DNAH12: variants seen among roughly 807,000 people sequenced by gnomAD.
DNAH12 encodes dynein axonemal heavy chain 12.
In DNAH12, 285 loss-of-function variants were observed where a neutral mutation model predicts 371.5. That is an observed-to-expected ratio of 0.77 (90% confidence interval 0.70 to 0.85). The LOEUF is 0.85. Among genes scored for constraint, DNAH12 ranks in the 40% least tolerant of loss-of-function variants. DNAH12 has a pLI of 0.00. For synonymous variants in DNAH12, 1,200 were observed against 1,213.0 expected (o/e 0.99, Z 0.22); for missense variants, 3,611 against 3,689.4 (o/e 0.98, Z 0.55).
chr3:57,354,882 A>G (rs2153323874), intron 59 of DNAH12, among the ~76,000 whole-genome samples: 1 of 152,318 alleles, frequency 6.6e-6, no homozygotes, highest in South Asian at 2.1e-4. Context: ...AAAACATTAC[A>G]TGCCATATGA....
intron 40 of DNAH12, among the ~76,000 whole-genome samples, chr3:57,407,122 C>CTCT (rs1553681523): frequency 6.6e-6 from 1 of 152,076 alleles, no homozygotes; most frequent in East Asian, 1.9e-4. Flanking sequence ...TGGTCTCAAT[C>CTCT]TCTTGACCTT....
chr3:57,537,875 G>C (rs2069116999), intron 2 of DNAH12, among the ~76,000 whole-genome samples: 1 of 151,974 alleles, frequency 6.6e-6, no homozygotes, highest in African/African-American at 2.4e-5. Flanking sequence ...AGCAGAGACG[G>C]TGTTTCACCA....
chr3:57,322,255 T>C, intron 65 of DNAH12, 88 bp downstream of exon 65: 1 of 1,306,334 alleles, frequency 7.7e-7, no homozygotes, highest in Non-Finnish European at 1.0e-6. Context: ...AATAAAAATG[T>C]TACAAAAGCA....
chr3:57,486,292 A>C (rs1217604283), intron 12 of DNAH12, among the ~76,000 whole-genome samples: 4 of 152,248 alleles, frequency 2.6e-5, no homozygotes, highest in African/African-American at 9.6e-5. Flanking sequence ...TATCTAGCCC[A>C]GGCACAGAGG....
intron 60 of DNAH12, among the ~76,000 whole-genome samples, chr3:57,342,484 C>T (rs372198531): frequency 1.5e-5 from 1 of 66,038 alleles, no homozygotes; most frequent in Non-Finnish European, 2.7e-5. Context: ...ACTAAAAATA[C>T]AAAAAAAAAA....
chr3:57,483,512 C>T lies in DNAH12; in HGVS notation c.1515-1G>A, dbSNP rs2153383851. On this transcript the variant is annotated splice_acceptor_variant, in intron 12 of 73. Coordinates refer to ENST00000495027, the MANE Select transcript of DNAH12 (RefSeq NM_001366028.2). LOFTEE classifies it high-confidence loss of function. ...AATTGCTTCAAATTCACTGCAAATA[C>T]TGACATAATACTCTGCTTTAATAGA... 6.5e-7 allele frequency: 1 copy of T among 1,548,972 alleles called. No homozygotes were observed. Among genetic ancestry groups the T allele is most frequent in the South Asian group, 1.2e-5 (1 of 83,532 alleles).
intron 65 of DNAH12, among the ~76,000 whole-genome samples, chr3:57,320,461 A>G (rs2061780860): frequency 6.6e-6 from 1 of 152,242 alleles, no homozygotes; most frequent in Admixed American, 6.5e-5. Flanking sequence ...CGCCCAAGAT[A>G]TCAACAACCT....
intron 73 of DNAH12, among the ~76,000 whole-genome samples, chr3:57,295,067 C>T (rs2107638037): frequency 6.6e-6 from 1 of 152,184 alleles, no homozygotes; most frequent in East Asian, 1.9e-4. Context: ...CAAAATTGGC[C>T]CCCACCCCAT....
chr3:57,458,519 G>T (rs113332096), intron 20 of DNAH12, among the ~76,000 whole-genome samples: 1 of 152,094 alleles, frequency 6.6e-6, no homozygotes, highest in Admixed American at 6.6e-5. Context: ...GCTGGTGCTC[G>T]ATTTAATTCT....
intron 25 of DNAH12, among the ~76,000 whole-genome samples, chr3:57,449,963 C>T (rs146501399): frequency 6.6e-6 from 1 of 152,156 alleles, no homozygotes; most frequent in Non-Finnish European, 1.5e-5. Context: ...TTAATATGAT[C>T]CCGGGTGGGC....
chr3:57,312,447 CTG>C (rs1451423225), intron 66 of DNAH12, among the ~76,000 whole-genome samples: 1 of 152,222 alleles, frequency 6.6e-6, no homozygotes, highest in Admixed American at 6.5e-5. Context: ...CATTCTCTGG[CTG>C]TCTTTCCACT....
At chr3:57,403,543 A>G (rs782777970) in intron 42 of DNAH12, 42 bp from the exon 43 acceptor site, 14 of 1,483,332 alleles carry the variant, frequency 9.4e-6, no homozygotes, top group Non-Finnish European at 1.1e-5. Context: ...TACAATATAA[A>G]TGTAAATGTA....
intron 33 of DNAH12, among the ~76,000 whole-genome samples, chr3:57,429,267 C>A (rs757568968): frequency 3.3e-5 from 5 of 152,024 alleles, no homozygotes; most frequent in Non-Finnish European, 7.4e-5. Flanking sequence ...ACCTCCACCT[C>A]CTGGGTTCAA....
chr3:57,461,747 A>G (rs1283446818), intron 18 of DNAH12, 58 bp from the exon 19 acceptor site: 4 of 1,379,994 alleles, frequency 2.9e-6, no homozygotes, highest in Non-Finnish European at 4.0e-6. Context: ...TATTTACTAT[A>G]TTGACTTTCC....
intron 20 of DNAH12, 91 bp downstream of exon 20, chr3:57,459,501 A>C: frequency 8.2e-7 from 1 of 1,226,560 alleles, no homozygotes; most frequent in East Asian, 2.8e-5. Context: ...GAGCAAGTTT[A>C]ATTTTTATAA....
At chr3:57,361,818 C>T (rs1312604912) in intron 58 of DNAH12, among the ~76,000 whole-genome samples, 1 of 151,958 alleles carries the variant, frequency 6.6e-6, no homozygotes, top group East Asian at 1.9e-4. Context: ...AATACCTTAC[C>T]AATCCAATAA....
At chr3:57,322,301 A>T in intron 65 of DNAH12, 42 bp downstream of exon 65, 6 of 1,455,434 alleles carry the variant, frequency 4.1e-6, no homozygotes, top group Non-Finnish European at 5.5e-6. Flanking sequence ...ATATTTGATC[A>T]CTATAAAACA....
rs555017807 is a variant in DNAH12 at position 57,325,944 on chromosome 3, G to A, written c.9979-2325C>T. Among the ~76,000 whole-genome samples, 137 of 152,300 alleles carry A rather than the reference G, an allele frequency of 9.0e-4. 1 individual carries two copies. Among genetic ancestry groups the A allele is most frequent in the Non-Finnish European group, 1.6e-3 (110 of 68,038 alleles). On this transcript the variant is annotated intron_variant, in intron 62 of 73. Transcript: ENST00000495027. Reference sequence around the variant, plus strand: ...ATGCAGAAGCCTCAGGAGCCGATGCGATCAGCTGGAAGAAAGGGTATCAGT... The same window carrying A: ...ATGCAGAAGCCTCAGGAGCCGATGCAATCAGCTGGAAGAAAGGGTATCAGT...
intron 4 of DNAH12, among the ~76,000 whole-genome samples, chr3:57,518,966 T>G (rs1251484405): frequency 6.6e-6 from 1 of 152,126 alleles, no homozygotes; most frequent in Admixed American, 6.5e-5. Flanking sequence ...AAGAGGAACC[T>G]GTGGAGATGA....
Sources: gnomAD v4.1 joint callset for allele counts (sites outside exome capture counted in the v4.1 genomes callset) on GRCh38, gnomAD v4.1.1 for gene constraint, MANE v1.5 for transcripts, NCBI Gene and HGNC (gene_info 2026-07-23, HGNC 2026-07-21) for gene names.